The following IREB2 variants were observed in gnomAD, a reference collection of about 807,000 sequenced individuals.
The protein encoded by IREB2 is iron-responsive element-binding protein 2.
In IREB2, 39 loss-of-function variants were observed where a neutral mutation model predicts 118.8. The observed-to-expected ratio is 0.33, with a 90% CI of 0.25 to 0.43. The LOEUF is 0.43. Among genes scored for constraint, IREB2 ranks in the 20% least tolerant of loss-of-function variants. IREB2 has a pLI of 1.00. For missense variants in IREB2, 900 were observed against 1,147.3 expected (o/e 0.78, Z 3.11); for synonymous variants, 372 against 392.2 (o/e 0.95, Z 0.61).
At chr15:78,466,655 G>A (rs2051288445) in intron 5 of IREB2, among the ~76,000 whole-genome samples, 166 bp downstream of exon 5, 1 of 152,054 alleles carries the variant, frequency 6.6e-6, no homozygotes, top group Non-Finnish European at 1.5e-5. Flanking sequence ...AGTAAATTTA[G>A]TGAAAATGGT....
intron 2 of IREB2, among the ~76,000 whole-genome samples, chr15:78,459,305 T>A (rs114778867): frequency 1.5e-3 from 224 of 152,158 alleles, no homozygotes; most frequent in African/African-American, 5.3e-3. Flanking sequence ...CAAAATTAAG[T>A]AATCCCTTAA....
chr15:78,481,803 G>C (rs994873185), intron 10 of IREB2: 5 of 152,060 alleles, frequency 3.3e-5, no homozygotes, highest in Admixed American at 3.3e-4. Flanking sequence ...CCCGGCCCAA[G>C]ACCCTGTCTC....
intron 8 of IREB2, 73 bp from the exon 9 acceptor site, chr15:78,476,115 T>C: frequency 8.5e-7 from 1 of 1,171,908 alleles, no homozygotes; most frequent in South Asian, 1.9e-5. Flanking sequence ...AATTTTATTT[T>C]ATAGTTTTCA....
chr15:78,493,126 A>T (rs1003087889), intron 18 of IREB2, among the ~76,000 whole-genome samples: 1 of 152,168 alleles, frequency 6.6e-6, no homozygotes, highest in Non-Finnish European at 1.5e-5. Flanking sequence ...AAGGCAGAAG[A>T]ACATGTTAAA....
rs138248357 is a variant in IREB2 at position 78,460,216 on chromosome 15, A to T, written c.107-2706A>T. On this transcript the variant is annotated intron_variant, in intron 2 of 21. Transcript: ENST00000258886. ...GATCCATTATTTCATTAGGTGTTGC[A>T]CATTGGTGATCTTTCAGATTACATC... Among the ~76,000 whole-genome samples, 10 of 152,328 alleles carry T rather than the reference A, an allele frequency of 6.6e-5. No individual in the cohort carries two copies. In the East Asian group the frequency reaches 1.9e-3, roughly 29 times the overall value.
intron 2 of IREB2, among the ~76,000 whole-genome samples, chr15:78,462,054 T>A (rs1053586481): frequency 6.6e-6 from 1 of 152,164 alleles, no homozygotes; most frequent in Non-Finnish European, 1.5e-5. Flanking sequence ...TAATACACAT[T>A]TGATGATCTT....
intron 2 of IREB2, among the ~76,000 whole-genome samples, chr15:78,452,004 A>G (rs1370392899): frequency 6.6e-6 from 1 of 152,146 alleles, no homozygotes; most frequent in Non-Finnish European, 1.5e-5. Context: ...CCTGTAGTAC[A>G]ATTTGGTGCC....
At chr15:78,491,529 A>T (rs1468289647) in intron 18 of IREB2, among the ~76,000 whole-genome samples, 1 of 151,976 alleles carries the variant, frequency 6.6e-6, no homozygotes, top group Non-Finnish European at 1.5e-5. Context: ...AGACAGACTC[A>T]CTCTGTCACC....
chr15:78,480,420 C>G (rs954743040), intron 10 of IREB2, among the ~76,000 whole-genome samples: 7 of 152,180 alleles, frequency 4.6e-5, no homozygotes, highest in Non-Finnish European at 1.0e-4. Context: ...TGGCTCACGC[C>G]TGTAATCCCA....
In IREB2 at chr15:78,439,809, T is replaced by A. The variant is rs2050817164; in HGVS notation, c.34T>A (p.Tyr12Asn). 6.3e-7 allele frequency: 1 copy of A among 1,591,650 alleles called. No homozygotes were observed. The highest frequency in any genetic ancestry group is 8.6e-7 in the Non-Finnish European group (1 of 1,166,956). ...DAPKAGYAFE[Y>N]LIETLNDSSH... The stretch of plus-strand genomic sequence containing the variant: ...TTTTTTTTCAGGATACGCCTTTGAG[T>A]ACCTTATTGAAACATTAAATGACAG... The change falls in exon 2 of 22, where the codon TAC (tyrosine) becomes AAC (asparagine). Residue 12 changes from tyrosine (Y) to asparagine (N), a missense_variant. Transcript: ENST00000258886.
In IREB2 at chr15:78,487,766, T is replaced by G. The variant is rs2051684601; in HGVS notation, c.1743T>G (p.Cys581Trp). 1 of 1,609,486 alleles carries G rather than the reference T, an allele frequency of 6.2e-7. No individual in the cohort carries two copies. The highest frequency in any genetic ancestry group is 8.5e-7 in the Non-Finnish European group (1 of 1,176,094). Residue 581 changes from cysteine (C) to tryptophan (W), a missense_variant, in exon 14 of 22, where the codon TGT becomes TGG. Transcript: ENST00000258886. Reference sequence around the variant, plus strand: ...TCGTTGGCTATGGATGTTCAATTTGTGTGGGAAATACAGCACCCTTATCAG... The same window carrying G: ...TCGTTGGCTATGGATGTTCAATTTGGGTGGGAAATACAGCACCCTTATCAG... ...FEIVGYGCSI[C>W]VGNTAPLSDA...
intron 1 of IREB2, 48 bp downstream of exon 1, chr15:78,438,404 T>C (rs991601164): frequency 2.6e-5 from 40 of 1,560,354 alleles, no homozygotes; most frequent in Non-Finnish European, 3.3e-5. Context: ...AAACGCGCGC[T>C]GCCTAGGCGC....
At position 78,483,346 on chromosome 15, in the gene IREB2, T is replaced by G; in HGVS notation, c.1325T>G (p.Val442Gly). 6.3e-7 allele frequency: 1 copy of G among 1,585,900 alleles called. No homozygotes were observed. The highest frequency in any genetic ancestry group is 8.7e-7 in the Non-Finnish European group (1 of 1,154,412). ...QVIQINLNSIVPSVSGPKRPQ... is the reference protein window; with the variant it reads ...QVIQINLNSIGPSVSGPKRPQ... ...ATCCAGATTAATCTGAATTCAATAGTTCCATCTGTTAGTGGTCCAAAAAGA... is the reference window on the plus strand; with the variant it reads ...ATCCAGATTAATCTGAATTCAATAGGTCCATCTGTTAGTGGTCCAAAAAGA... The change falls in exon 11 of 22, where the codon GTT (valine) becomes GGT (glycine). Residue 442 changes from valine to glycine, a missense_variant. Physicochemically the swap from Val to Gly is moderately radical, Grantham distance 109 (BLOSUM62 -3). Transcript: ENST00000258886.
At chr15:78,454,107 G>A (rs150400198) in intron 2 of IREB2, among the ~76,000 whole-genome samples, 28 of 152,288 alleles carry the variant, frequency 1.8e-4, no homozygotes, top group African/African-American at 6.7e-4. Context: ...AAATAGTGCA[G>A]CCACTTTGGG....
chr15:78,464,936 C>G (rs2051256193), intron 3 of IREB2, among the ~76,000 whole-genome samples: 1 of 152,062 alleles, frequency 6.6e-6, no homozygotes, highest in Non-Finnish European at 1.5e-5. Context: ...GGGGCTGGAA[C>G]TAGGGAAAGG....
At chr15:78,462,816 G>A (rs2051218586) in intron 2 of IREB2, 106 bp from the exon 3 acceptor site, 2 of 793,424 alleles carry the variant, frequency 2.5e-6, no homozygotes, top group Admixed American at 5.8e-5. Flanking sequence ...TTTAAATTGA[G>A]AAAACAGTGC....
chr15:78,456,021 C>T (rs1220622651), intron 2 of IREB2, among the ~76,000 whole-genome samples: 1 of 152,104 alleles, frequency 6.6e-6, no homozygotes, highest in Non-Finnish European at 1.5e-5. Context: ...GCTGGCTTTT[C>T]ACCGAGTAAT....
At chr15:78,487,473 G>C (rs2051679009) in intron 13 of IREB2, among the ~76,000 whole-genome samples, 1 of 152,156 alleles carries the variant, frequency 6.6e-6, no homozygotes, top group Admixed American at 6.5e-5. Flanking sequence ...TGTGGCCCCA[G>C]CTACTTAGGA....
At chr15:78,490,249 T>TA (rs1439657897) in intron 16 of IREB2, among the ~76,000 whole-genome samples, 173 bp from the exon 17 acceptor site, 1 of 152,060 alleles carries the variant, frequency 6.6e-6, no homozygotes, top group Non-Finnish European at 1.5e-5. Flanking sequence ...TAAAATTTTT[T>TA]AAAAAAAAGA....
Sources: allele counts gnomAD v4.1 joint callset (sites outside exome capture counted in the v4.1 genomes callset), GRCh38; gene constraint gnomAD v4.1.1; transcripts MANE v1.5; gene names NCBI Gene and HGNC (gene_info 2026-07-23, HGNC 2026-07-21).